The following TSPAN5 variants were observed in gnomAD, a reference collection of about 807,000 sequenced individuals.
TSPAN5 encodes tetraspanin-5.
In TSPAN5, 10 loss-of-function variants were observed where a neutral mutation model predicts 37.1. The ratio of observed to expected loss-of-function variants is 0.27; its 90% confidence interval spans 0.17 to 0.46. TSPAN5 has a LOEUF of 0.46. Among genes scored for constraint, TSPAN5 ranks in the 20% least tolerant of loss-of-function variants. The pLI, the probability that TSPAN5 is intolerant of heterozygous loss-of-function variation, is 1.00. For missense variants in TSPAN5, 195 were observed against 326.6 expected, an observed-to-expected ratio of 0.60 and a Z score of 3.11; for synonymous variants, 110 against 118.9, an observed-to-expected ratio of 0.93 and a Z score of 0.48.
chr4:98,490,542 G>C (rs1460205350), intron 2 of TSPAN5, among the ~76,000 whole-genome samples: 1 of 152,160 alleles, frequency 6.6e-6, no homozygotes. Context: ...TTCTGGCAAA[G>C]ATAGAGCTGC....
At chr4:98,484,514 T>C (rs746840830) in intron 3 of TSPAN5, 2 of 455,926 alleles carry the variant, frequency 4.4e-6, no homozygotes, top group Non-Finnish European at 8.8e-6. Context: ...TCTCTTCATT[T>C]CCAACATGAG....
chr4:98,637,308 G>A (rs6830917), intron 1 of TSPAN5, among the ~76,000 whole-genome samples: 32,956 of 151,928 alleles, frequency 0.22, 3,900 homozygotes, highest in South Asian at 0.41. Flanking sequence ...TGTACATGGC[G>A]GCCCTCAGGG....
At chr4:98,548,886 G>GGGGTGTGTGTGTGT (rs373285784) in intron 1 of TSPAN5, among the ~76,000 whole-genome samples, 27 of 57,458 alleles carry the variant, frequency 4.7e-4, no homozygotes, top group Non-Finnish European at 5.9e-4. Flanking sequence ...AGTATTCCAA[G>GGGGTGTGTGTGTGT]GTGTGTGTGT....
At chr4:98,565,435 G>T (rs1361337175) in intron 1 of TSPAN5, among the ~76,000 whole-genome samples, 2 of 81,508 alleles carry the variant, frequency 2.5e-5, no homozygotes, top group Non-Finnish European at 5.3e-5. Context: ...CATTTTGGGG[G>T]CCTTAAAGAA....
chr4:98,637,130 T>C (rs183732834), intron 1 of TSPAN5, among the ~76,000 whole-genome samples: 106 of 152,352 alleles, frequency 7.0e-4, no homozygotes, highest in African/African-American at 2.5e-3. Flanking sequence ...CAGAAGTGTC[T>C]GAAGCCATGC....
At chr4:98,533,277 T>C (rs1159604924) in intron 1 of TSPAN5, among the ~76,000 whole-genome samples, 1 of 152,140 alleles carries the variant, frequency 6.6e-6, no homozygotes. Context: ...TCATCTCCTG[T>C]TTGTACCTCT....
At chr4:98,620,125 C>G (rs1331952491) in intron 1 of TSPAN5, among the ~76,000 whole-genome samples, 2 of 151,930 alleles carry the variant, frequency 1.3e-5, no homozygotes, top group African/African-American at 4.8e-5. Flanking sequence ...ATATGGGCAG[C>G]CTTATGACAG....
At chr4:98,656,473 A>G (rs755449242) in intron 1 of TSPAN5, among the ~76,000 whole-genome samples, 12 of 152,206 alleles carry the variant, frequency 7.9e-5, no homozygotes, top group Non-Finnish European at 1.3e-4. Flanking sequence ...AGTTCCAATC[A>G]AATCAGAATA....
intron 1 of TSPAN5, among the ~76,000 whole-genome samples, chr4:98,584,411 C>A (rs1453462107): frequency 6.6e-6 from 1 of 152,176 alleles, no homozygotes; most frequent in African/African-American, 2.4e-5. Context: ...TCAGAGATTG[C>A]GTACAATACT....
chr4:98,516,428 G>C (rs1881450), intron 1 of TSPAN5, among the ~76,000 whole-genome samples: 2,283 of 152,286 alleles, frequency 0.015, 141 homozygotes, highest in Admixed American at 0.11. Context: ...TTATGTTCCT[G>C]ACTGCTTCCA....
chr4:98,540,853 G>A (rs1242560090), intron 1 of TSPAN5, among the ~76,000 whole-genome samples: 1 of 152,154 alleles, frequency 6.6e-6, no homozygotes, highest in Non-Finnish European at 1.5e-5. Flanking sequence ...TTCTTTTGTT[G>A]ACTGAGGACT....
chr4:98,479,145 C>T (rs1167940163), intron 4 of TSPAN5, among the ~76,000 whole-genome samples: 1 of 152,148 alleles, frequency 6.6e-6, no homozygotes, highest in Admixed American at 6.5e-5. Context: ...GAAACAAGAA[C>T]ATTCTAGAAG....
intron 1 of TSPAN5, among the ~76,000 whole-genome samples, chr4:98,550,382 A>G (rs902809152): frequency 2.0e-5 from 3 of 152,056 alleles, no homozygotes; most frequent in Non-Finnish European, 2.9e-5. Flanking sequence ...TTGGTTCCAT[A>G]TGAATTTTAG....
At chr4:98,555,438 C>CA (rs1428592201) in intron 1 of TSPAN5, among the ~76,000 whole-genome samples, 1 of 152,090 alleles carries the variant, frequency 6.6e-6, no homozygotes, top group Non-Finnish European at 1.5e-5. Context: ...CTTTTCTGGC[C>CA]ACCTTTGCGA....
At chr4:98,520,951 G>A (rs956764198) in intron 1 of TSPAN5, among the ~76,000 whole-genome samples, 80 of 150,482 alleles carry the variant, frequency 5.3e-4, no homozygotes, top group African/African-American at 1.9e-3. Context: ...AGGGTGGGGG[G>A]GATAGAGTCT....
chr4:98,487,710 C>T (rs1015036423), intron 2 of TSPAN5, among the ~76,000 whole-genome samples: 9 of 152,094 alleles, frequency 5.9e-5, no homozygotes, highest in African/African-American at 1.9e-4. Flanking sequence ...TTACCCCCTT[C>T]GAGTTGAAAT....
chr4:98,572,036 C>T (rs1481459691), intron 1 of TSPAN5, among the ~76,000 whole-genome samples: 2 of 152,150 alleles, frequency 1.3e-5, no homozygotes, highest in East Asian at 3.9e-4. Flanking sequence ...TACAGTGGTG[C>T]GATCCTGGCT....
chr4:98,474,615 T>C (rs893291261), intron 7 of TSPAN5, among the ~76,000 whole-genome samples: 23 of 152,308 alleles, frequency 1.5e-4, no homozygotes, highest in African/African-American at 5.1e-4. Context: ...CCCAAAGTTC[T>C]GGAATTACAG....
At chr4:98,542,674 G>A (rs1244186697) in intron 1 of TSPAN5, among the ~76,000 whole-genome samples, 2 of 145,382 alleles carry the variant, frequency 1.4e-5, no homozygotes, top group East Asian at 2.0e-4. Context: ...AGCTATGATC[G>A]TGCCACTGCA....
Sources: allele counts gnomAD v4.1 joint callset (sites outside exome capture counted in the v4.1 genomes callset), GRCh38; gene constraint gnomAD v4.1.1; transcripts MANE v1.5; gene names NCBI Gene and HGNC (gene_info 2026-07-23, HGNC 2026-07-21).